CAMK1D: variants seen among roughly 807,000 people sequenced by gnomAD.
The protein encoded by CAMK1D is calcium/calmodulin dependent protein kinase ID, also known as calcium/calmodulin-dependent protein kinase type 1D.
Under a neutral mutation model 47.7 loss-of-function variants are expected in CAMK1D, and 9 were observed. The ratio of observed to expected loss-of-function variants is 0.19; its 90% CI spans 0.11 to 0.33. CAMK1D has a LOEUF of 0.33. Among genes scored for constraint, CAMK1D ranks in the 10% least tolerant of loss-of-function variants. CAMK1D has a pLI of 1.00. For synonymous variants in CAMK1D, 184 were observed against 184.9 expected, an observed-to-expected ratio of 0.99 and a Z score of 0.04; for missense variants, 291 against 488.7, an observed-to-expected ratio of 0.60 and a Z score of 3.81.
chr10:12,532,782 C>T, intron 1 of CAMK1D, among the ~76,000 whole-genome samples: 1 of 152,126 alleles, frequency 6.6e-6, no homozygotes, highest in East Asian at 1.9e-4. Context: ...ACGATCCTGT[C>T]ATTTTCAACA....
chr10:12,615,868 ATG>A (rs10654979), intron 2 of CAMK1D, among the ~76,000 whole-genome samples: 3 of 151,596 alleles, frequency 2.0e-5, no homozygotes, highest in Admixed American at 6.6e-5. Flanking sequence ...GTATGCATGT[ATG>A]TGTATAAGTG....
At chr10:12,788,463 C>G (rs1226915796) in intron 5 of CAMK1D, among the ~76,000 whole-genome samples, 1 of 152,368 alleles carries the variant, frequency 6.6e-6, no homozygotes, top group East Asian at 1.9e-4. Context: ...TAACTTAGCT[C>G]TTCCCTCCCA....
At chr10:12,673,704 G>A (rs974774995) in intron 3 of CAMK1D, among the ~76,000 whole-genome samples, 2 of 152,164 alleles carry the variant, frequency 1.3e-5, no homozygotes, top group African/African-American at 2.4e-5. Flanking sequence ...TAGACATTTT[G>A]AAAATTCAAA....
intron 3 of CAMK1D, among the ~76,000 whole-genome samples, chr10:12,743,346 C>CAA (rs199673328): frequency 0.021 from 1,941 of 92,296 alleles, 42 homozygotes; most frequent in African/African-American, 0.067. Context: ...GACCCTGTCT[C>CAA]AAAAAAAAAA....
chr10:12,488,386 A>G (rs1588544764), intron 1 of CAMK1D, among the ~76,000 whole-genome samples: 1 of 152,158 alleles, frequency 6.6e-6, no homozygotes, highest in East Asian at 1.9e-4. Flanking sequence ...TCAACTCACT[A>G]TGAACATAAG....
rs144206090 is a variant in CAMK1D at position 12,668,800 on chromosome 10, G to A, written c.299+1990G>A. Among the ~76,000 whole-genome samples the A allele has an allele frequency of 9.5e-3, 1,445 of 152,164 alleles. 14 individuals are homozygous for A. The highest frequency in any genetic ancestry group is 0.014 in the Non-Finnish European group (966 of 67,998). On this transcript the variant is annotated intron_variant, in intron 3 of 10. Transcript: ENST00000619168. ...TGGGTTGACATAAAAACATAAAAAT[G>A]TCTGGAACAAAACCAACCTCAGAAC...
chr10:12,716,621 T>A (rs1431754410), intron 3 of CAMK1D, among the ~76,000 whole-genome samples: 1 of 152,168 alleles, frequency 6.6e-6, no homozygotes, highest in Non-Finnish European at 1.5e-5. Flanking sequence ...TGCACCTTCT[T>A]TGCCCCATTT....
chr10:12,416,370 C>T (rs934138460), intron 1 of CAMK1D, among the ~76,000 whole-genome samples: 2 of 152,068 alleles, frequency 1.3e-5, no homozygotes, highest in African/African-American at 4.8e-5. Context: ...AGCATTTTGT[C>T]GGTGTATGTA....
chr10:12,579,391 C>A (rs561559535), intron 2 of CAMK1D, among the ~76,000 whole-genome samples: 1 of 152,170 alleles, frequency 6.6e-6, no homozygotes, highest in Non-Finnish European at 1.5e-5. Flanking sequence ...TCTTCTCATC[C>A]ATCATGTATT....
At chr10:12,708,972 C>T (rs745323871) in intron 3 of CAMK1D, among the ~76,000 whole-genome samples, 4 of 152,224 alleles carry the variant, frequency 2.6e-5, no homozygotes, top group South Asian at 2.1e-4. Flanking sequence ...CATCCCAGTT[C>T]GAGTCTCAGC....
At chr10:12,639,355 G>A (rs1204129556) in intron 2 of CAMK1D, among the ~76,000 whole-genome samples, 1 of 152,064 alleles carries the variant, frequency 6.6e-6, no homozygotes, top group Non-Finnish European at 1.5e-5. Flanking sequence ...CATGGTGGTG[G>A]GCGCCTGTAA....
chr10:12,452,858 C>T (rs556911308), intron 1 of CAMK1D, among the ~76,000 whole-genome samples: 6 of 152,060 alleles, frequency 3.9e-5, no homozygotes, highest in African/African-American at 9.7e-5. Context: ...TGAGCCACCG[C>T]GCCTGGCCCA....
At chr10:12,409,860 CA>C (rs1839594373) in intron 1 of CAMK1D, among the ~76,000 whole-genome samples, 1 of 152,206 alleles carries the variant, frequency 6.6e-6, no homozygotes, top group South Asian at 2.1e-4. Context: ...GGTAGCTCCG[CA>C]GTACCTCCTG....
At chr10:12,435,503 C>T (rs1027186657) in intron 1 of CAMK1D, among the ~76,000 whole-genome samples, 2 of 152,078 alleles carry the variant, frequency 1.3e-5, no homozygotes, top group African/African-American at 4.8e-5. Context: ...GTAATACCGG[C>T]GGGCATCCTG....
Position 12,825,659 on chromosome 10 carries a change from GAGC to G in CAMK1D, c.1012_1014del (p.Ser338del), listed in dbSNP as rs1263647620. 6 of 1,614,096 alleles carry G rather than the reference GAGC, an allele frequency of 3.7e-6. No individual in the cohort carries two copies. The highest frequency in any genetic ancestry group is 1.3e-5 in the African/African-American group (1 of 74,930). ...TGGACAGTTCAAATGCAAGTGTTTC[GAGC>G]AGCCTCAGTTTGGCCAGCCAAAAAG... On this transcript the variant is annotated inframe_deletion, in exon 10 of 11. Transcript: ENST00000619168.
At chr10:12,378,660 C>A (rs1486495058) in intron 1 of CAMK1D, among the ~76,000 whole-genome samples, 1 of 151,726 alleles carries the variant, frequency 6.6e-6, no homozygotes, top group African/African-American at 2.4e-5. Flanking sequence ...TCTTTTTAGC[C>A]TAATATCAAA....
chr10:12,588,809 CAT>C (rs538650278), intron 2 of CAMK1D, among the ~76,000 whole-genome samples: 5,855 of 145,312 alleles, frequency 0.04, 122 homozygotes, highest in South Asian at 0.059. Flanking sequence ...CACACACACA[CAT>C]ACACACATGC....
In CAMK1D at chr10:12,534,524, G is replaced by A. The variant is rs527241867; in HGVS notation, c.93-18701G>A. On this transcript the variant is annotated intron_variant, in intron 1 of 10. Coordinates refer to ENST00000619168, the MANE Select transcript of CAMK1D (RefSeq NM_153498.4). ...TGGAATTACATGCATGTGCCACCAC[G>A]CCCAGCTAATTTTTGTATTTTTAGT... Among the ~76,000 whole-genome samples the A allele has an allele frequency of 6.6e-5, 10 of 152,206 alleles. No individual in the cohort carries two copies. The South Asian group carries it at 2.1e-3, about 32-fold the overall frequency.
At chr10:12,570,635 G>A (rs1041948897) in intron 2 of CAMK1D, among the ~76,000 whole-genome samples, 4 of 141,328 alleles carry the variant, frequency 2.8e-5, no homozygotes, top group Non-Finnish European at 4.5e-5. Flanking sequence ...AGCTTAGATC[G>A]CACCATTGTG....
Sources: allele counts gnomAD v4.1 joint callset (sites outside exome capture counted in the v4.1 genomes callset), GRCh38; gene constraint gnomAD v4.1.1; transcripts MANE v1.5; gene names NCBI Gene and HGNC (gene_info 2026-07-23, HGNC 2026-07-21).